The following TSHZ3 variants were observed in gnomAD, a reference collection of about 807,000 sequenced individuals.
TSHZ3 encodes teashirt homolog 3.
Under a neutral mutation model 64.5 loss-of-function variants are expected in TSHZ3, and 10 were observed. The ratio of observed to expected loss-of-function variants is 0.16; its 90% CI spans 0.10 to 0.26. The LOEUF is 0.26. TSHZ3 is among the 10% of genes least tolerant of loss of function. The pLI is 1.00. For missense variants in TSHZ3, 1,242 were observed against 1,421.7 expected, an observed-to-expected ratio of 0.87 and a Z score of 2.03; for synonymous variants, 608 against 593.1, an observed-to-expected ratio of 1.03 and a Z score of -0.36.
chr19:31,273,308 A>G (rs1976172502), downstream of TSHZ3, among the ~76,000 whole-genome samples: 1 of 152,178 alleles, frequency 6.6e-6, no homozygotes, highest in South Asian at 2.1e-4. Context: ...CACGTATATG[A>G]GCAGTCCTTT....
At chr19:31,236,599 C>A (rs941083362) in intron 3 of TSHZ3, among the ~76,000 whole-genome samples, 5 of 152,166 alleles carry the variant, frequency 3.3e-5, no homozygotes, top group Non-Finnish European at 7.4e-5. Context: ...TGTCCTTTCA[C>A]TCTGTTTATT....
At chr19:31,269,383 G>C (rs1396606680) in intron 1 of TSHZ3, among the ~76,000 whole-genome samples, 1 of 152,074 alleles carries the variant, frequency 6.6e-6, no homozygotes, top group African/African-American at 2.4e-5. Flanking sequence ...TCCGGCGACC[G>C]TACCTCCATT....
intron 5 of TSHZ3, among the ~76,000 whole-genome samples, chr19:31,178,402 G>T (rs1389846766): frequency 6.6e-6 from 1 of 152,192 alleles, no homozygotes; most frequent in Non-Finnish European, 1.5e-5. Context: ...CATAAAGAAG[G>T]TGCTATCGGT....
At chr19:31,273,044 A>T (rs1453717693), downstream of TSHZ3, among the ~76,000 whole-genome samples, 1 of 152,182 alleles carries the variant, frequency 6.6e-6, no homozygotes, top group African/African-American at 2.4e-5. Context: ...ATCTCAGGGA[A>T]ACCAGGGCCA....
rs1000315457 is a variant in TSHZ3 at position 31,333,698 on chromosome 19, C to A, written c.40+15482G>T. ...GGGGACTTTACAGTGGGATGCTTGTCCCAGAGCTGCCTCTCCAGGCCAAGT... is the reference window on the plus strand; with the variant it reads ...GGGGACTTTACAGTGGGATGCTTGTACCAGAGCTGCCTCTCCAGGCCAAGT... On this transcript the variant is annotated intron_variant, in intron 1 of 1. Transcript: ENST00000240587. Among the ~76,000 whole-genome samples, 6 of 152,058 alleles carry A rather than the reference C, an allele frequency of 3.9e-5. No homozygotes were observed. In the East Asian group the frequency reaches 1.2e-3, roughly 30 times the overall value.
rs1041871148 is a variant in TSHZ3 at position 31,165,090 on chromosome 19, G to A, written n.810-8673C>T. 8.5e-5 allele frequency among the ~76,000 whole-genome samples: 13 copies of A among 152,346 alleles called. No individual in the cohort carries two copies. In the East Asian group the frequency reaches 9.7e-4, roughly 11 times the overall value. ...GCGGCTTTGTCACCTGGCCCCTGTC[G>A]TCCACCCAGCCCCGGAATCTCCGCT... On this transcript the variant is annotated intron_variant and non_coding_transcript_variant, in intron 5 of 6. Transcript: ENST00000651361.
chr19:31,349,712 G>A (rs1253136907), upstream of TSHZ3, among the ~76,000 whole-genome samples: 2 of 147,780 alleles, frequency 1.4e-5, no homozygotes, highest in East Asian at 2.1e-4. Context: ...GGCCCGGACC[G>A]GTACTGCCCC....
At chr19:31,195,396 T>C (rs561230991) in intron 5 of TSHZ3, among the ~76,000 whole-genome samples, 143 of 152,296 alleles carry the variant, frequency 9.4e-4, no homozygotes, top group Non-Finnish European at 1.2e-3. Context: ...GAATTATCTC[T>C]GACTTCTCCT....
chr19:31,346,672 A>G (rs989717554), intron 1 of TSHZ3, among the ~76,000 whole-genome samples: 2 of 152,060 alleles, frequency 1.3e-5, no homozygotes, highest in Non-Finnish European at 2.9e-5. Context: ...AAAGCAATCA[A>G]TTTGTCATCA....
intron 1 of TSHZ3, among the ~76,000 whole-genome samples, chr19:31,294,190 C>T (rs1021631679): frequency 4.6e-5 from 7 of 152,164 alleles, no homozygotes; most frequent in Admixed American, 1.3e-4. Context: ...GACTAAGTGA[C>T]CTTCTTAAGG....
At chr19:31,257,052 G>A (rs887608048) in intron 1 of TSHZ3, among the ~76,000 whole-genome samples, 1 of 152,160 alleles carries the variant, frequency 6.6e-6, no homozygotes, top group South Asian at 2.1e-4. Context: ...GGCCTTTGGT[G>A]TGGGGAGTGC....
chr19:31,265,413 A>AG lies in TSHZ3; in HGVS notation n.64-22539_64-22538insC, dbSNP rs1976041231. On this transcript the variant is annotated intron_variant and non_coding_transcript_variant, in intron 1 of 6. Transcript: ENST00000651361. The stretch of plus-strand genomic sequence containing the variant: ...ACTCTGTCTCAAAAAAAAAAAAAAA[A>AG]AAAAAAAGAAAGAAAGAAAGAAAAA... 8.0e-5 allele frequency among the ~76,000 whole-genome samples: 12 copies of AG among 150,044 alleles called. No individual in the cohort carries two copies. The South Asian group carries it at 2.5e-3, about 32-fold the overall frequency.
At chr19:31,200,164 T>C (rs1452624202) in intron 5 of TSHZ3, among the ~76,000 whole-genome samples, 1 of 152,110 alleles carries the variant, frequency 6.6e-6, no homozygotes, top group Non-Finnish European at 1.5e-5. Flanking sequence ...TTTGGGATTT[T>C]CTTACAAAAC....
downstream of TSHZ3, among the ~76,000 whole-genome samples, chr19:31,273,496 C>G (rs908915018): frequency 6.6e-6 from 1 of 152,172 alleles, no homozygotes; most frequent in African/African-American, 2.4e-5. Context: ...GTTCCACCGT[C>G]ACTCGTACAA....
At chr19:31,321,454 C>A (rs930283456) in intron 1 of TSHZ3, among the ~76,000 whole-genome samples, 14 of 152,364 alleles carry the variant, frequency 9.2e-5, no homozygotes, top group African/African-American at 2.9e-4. Flanking sequence ...GCCCACCTAG[C>A]AAGTGCATTT....
chr19:31,189,866 C>G (rs1162537053), intron 5 of TSHZ3, among the ~76,000 whole-genome samples: 1 of 151,980 alleles, frequency 6.6e-6, no homozygotes, highest in African/African-American at 2.4e-5. Context: ...TTAAGTTTCT[C>G]CTTTGTGTTT....
At chr19:31,169,177 A>C (rs987831528) in intron 5 of TSHZ3, among the ~76,000 whole-genome samples, 3 of 152,146 alleles carry the variant, frequency 2.0e-5, no homozygotes, top group African/African-American at 7.2e-5. Flanking sequence ...GAAAGTAAAA[A>C]GGCCAGTGGG....
intron 1 of TSHZ3, among the ~76,000 whole-genome samples, chr19:31,328,419 C>A (rs1916987220): frequency 6.6e-6 from 1 of 152,242 alleles, no homozygotes; most frequent in South Asian, 2.1e-4. Context: ...GGAAGGCCAG[C>A]CCAGGCTGAC....
chr19:31,235,264 T>A (rs1013406452), intron 3 of TSHZ3, among the ~76,000 whole-genome samples: 2 of 152,208 alleles, frequency 1.3e-5, no homozygotes, highest in Non-Finnish European at 2.9e-5. Flanking sequence ...TCTACTATTG[T>A]CACCATGCTG....
Sources: allele counts gnomAD v4.1 joint callset (sites outside exome capture counted in the v4.1 genomes callset), GRCh38; gene constraint gnomAD v4.1.1; transcripts MANE v1.5; gene names NCBI Gene and HGNC (gene_info 2026-07-23, HGNC 2026-07-21).